CFAP99: variants seen among roughly 807,000 people sequenced by gnomAD.
CFAP99 encodes cilia and flagella associated protein 99.
Under a neutral mutation model 82.7 loss-of-function variants are expected in CFAP99, and 84 were observed. The observed-to-expected ratio is 1.02, with a 90% confidence interval of 0.85 to 1.22. CFAP99 has a LOEUF of 1.22. Among genes scored for constraint, CFAP99 ranks in the 50% most tolerant of loss-of-function variants. The pLI is 0.00. For missense variants in CFAP99, 1,059 were observed against 983.5 expected (o/e 1.08, Z -1.03); for synonymous variants, 456 against 429.5 (o/e 1.06, Z -0.76).
At chr4:2,438,096 C>T (rs1192266927) in exon 4 of CFAP99, 2 of 1,535,314 alleles carry the variant, frequency 1.3e-6, no homozygotes, top group East Asian at 2.4e-5. Flanking sequence ...CACATTCCTG[C>T]TGGAGGAACT....
intron 1 of CFAP99, among the ~76,000 whole-genome samples, chr4:2,422,333 A>C (rs1438012164): frequency 1.3e-5 from 2 of 152,110 alleles, no homozygotes; most frequent in Non-Finnish European, 2.9e-5. Context: ...AGGGCAGGAC[A>C]ATTTGAGTCA....
At chr4:2,460,539 T>C (rs566482471) in intron 14 of CFAP99, among the ~76,000 whole-genome samples, 24 of 152,350 alleles carry the variant, frequency 1.6e-4, no homozygotes, top group African/African-American at 5.1e-4. Flanking sequence ...AGCTAGCTAT[T>C]TATGTCTGCA....
At chr4:2,424,341 TA>T (rs1733642299) in intron 1 of CFAP99, among the ~76,000 whole-genome samples, 1 of 152,174 alleles carries the variant, frequency 6.6e-6, no homozygotes, top group Non-Finnish European at 1.5e-5. Context: ...TAATCCCAGC[TA>T]CTCAGGAGGC....
chr4:2,458,886 CT>C (rs1734503096), intron 12 of CFAP99, 22 bp downstream of exon 12: 1 of 1,528,830 alleles, frequency 6.5e-7, no homozygotes. Flanking sequence ...CCAGATGTCA[CT>C]GGCCCTACCC....
Position 2,462,883 on chromosome 4 carries a change from G to C in CFAP99, c.2102G>C (p.Gly701Ala). The change falls in exon 15 of 15, where the codon GGA becomes GCA. Residue 701 changes from glycine to alanine, a missense_variant. Physicochemically the swap from Gly to Ala is moderately conservative, Grantham distance 60 (BLOSUM62 0). Coordinates refer to ENST00000635017, the Ensembl canonical transcript of CFAP99. This position sits in a 1 kb window ranked among gnomAD's most constrained non-coding sequence, Gnocchi z 4.1. ...CGCAGGCTGCAGGCGCTGCAGCAGG[G>C]AGGCTCAGGACCCGGGCCCGCGCGC... 1 of 1,381,912 alleles carries C rather than the reference G, an allele frequency of 7.2e-7. No individual in the cohort carries two copies. Among genetic ancestry groups the C allele is most frequent in the Non-Finnish European group, 9.4e-7 (1 of 1,067,674 alleles). The allele number at this position is 1,381,912 out of a possible 1,614,324, so 85.6% of individuals were successfully genotyped here.
At position 2,449,652 on chromosome 4, in the gene CFAP99, C is replaced by T. The variant is rs997891091; in HGVS notation, c.643-18C>T. On this transcript the variant is annotated intron_variant, in intron 6 of 14. Coordinates refer to ENST00000635017, the Ensembl canonical transcript of CFAP99. ...CGCAGCTGCTGACCATAGGCTCTTC[C>T]TCCCACCACTTCAGCAGGTCCCCCA... 6 of 1,535,772 alleles carry T rather than the reference C, an allele frequency of 3.9e-6. No homozygotes were observed. The highest frequency in any genetic ancestry group is 4.4e-6 in the Non-Finnish European group (5 of 1,146,586).
chr4:2,438,034 C>A, intron 3 of CFAP99, 36 bp from the exon 4 acceptor site: 2 of 1,313,258 alleles, frequency 1.5e-6, no homozygotes, highest in Non-Finnish European at 2.1e-6. Flanking sequence ...TGCCCCGTGA[C>A]GTCCCTTAGC....
intron 3 of CFAP99, among the ~76,000 whole-genome samples, chr4:2,437,564 G>A (rs572648126): frequency 3.3e-5 from 5 of 152,146 alleles, no homozygotes; most frequent in African/African-American, 4.8e-5. Flanking sequence ...GGAGTGGGGC[G>A]AGCGCTGTAG....
At chr4:2,426,704 C>T in intron 2 of CFAP99, 118 bp downstream of exon 2, 2 of 696,968 alleles carry the variant, frequency 2.9e-6, no homozygotes, top group Non-Finnish European at 5.0e-6. Context: ...TGGGGAGAAG[C>T]TGACCGTGTT....
chr4:2,462,443 G>A lies in CFAP99; in HGVS notation c.1662G>A (p.Arg554=), dbSNP rs1456969736. ...CTGAGCCCGCCGCGTCGCCCGCCAG[G>A]TGGGAGGAAAAGAAGGCCCTTGCGG... The change falls in exon 15 of 15, where the codon AGG becomes AGA. Residue 554 remains arginine, a splice_region_variant and synonymous_variant. Coordinates refer to ENST00000635017, the Ensembl canonical transcript of CFAP99. The surrounding 1 kb of genome is among the most constrained non-coding windows in gnomAD (Gnocchi z 4.1). The A allele has an allele frequency of 2.8e-6, 4 of 1,449,634 alleles. No individual in the cohort carries two copies. Among genetic ancestry groups the A allele is most frequent in the Admixed American group, 5.6e-5 (2 of 35,494 alleles). 89.8% of individuals were successfully genotyped at this position (1,449,634 alleles called of 1,614,324 possible). A position where few individuals can be genotyped will look rare whatever the true frequency, so the allele number is the denominator to read the frequency against.
chr4:2,426,542 G>T, exon 2 of CFAP99: 1 of 1,536,046 alleles, frequency 6.5e-7, no homozygotes, highest in South Asian at 1.2e-5. Context: ...ACCCAAGAGG[G>T]ACAACCCTGA....
At chr4:2,445,930 G>C (rs964992767) in intron 6 of CFAP99, among the ~76,000 whole-genome samples, 2 of 152,162 alleles carry the variant, frequency 1.3e-5, no homozygotes, top group African/African-American at 4.8e-5. Context: ...AAGTCTGACT[G>C]GACCAGCTTA....
In CFAP99 at chr4:2,451,255, A is replaced by G. The variant is rs1296628012; in HGVS notation, c.868-9A>G. The G allele has an allele frequency of 1.8e-5, 27 of 1,535,886 alleles. No individual in the cohort carries two copies. Among genetic ancestry groups the G allele is most frequent in the Middle Eastern group, 1.7e-4 (1 of 6,006 alleles). ...AAGCCCCCACCACAGCCAGTCCCCA[A>G]TCCCGCAGCCTGACAACATCCTGGT... On this transcript the variant is annotated splice_polypyrimidine_tract_variant and intron_variant, in intron 9 of 14. Transcript: ENST00000635017.
intron 14 of CFAP99, among the ~76,000 whole-genome samples, chr4:2,461,660 G>A (rs1388163404): frequency 1.3e-5 from 2 of 152,162 alleles, no homozygotes; most frequent in Admixed American, 1.3e-4. Flanking sequence ...GCGGGCTCAG[G>A]CATGCACTTA....
intron 2 of CFAP99, among the ~76,000 whole-genome samples, chr4:2,434,669 C>G (rs1311630826): frequency 6.6e-6 from 1 of 152,216 alleles, no homozygotes; most frequent in Non-Finnish European, 1.5e-5. Flanking sequence ...GCAGAAGGCT[C>G]TGGGAAGCCC....
At position 2,448,070 on chromosome 4, in the gene CFAP99, C is replaced by G. The variant is rs1734213477; in HGVS notation, c.643-1600C>G. Among the ~76,000 whole-genome samples, 1 of 137,256 alleles carries G rather than the reference C, an allele frequency of 7.3e-6. No individual in the cohort carries two copies. Among genetic ancestry groups the G allele is most frequent in the East Asian group, 2.3e-4 (1 of 4,426 alleles). 90.0% of individuals were successfully genotyped at this position (137,256 alleles called of 152,430 possible). On this transcript the variant is annotated intron_variant, in intron 6 of 14. Coordinates refer to ENST00000635017, the Ensembl canonical transcript of CFAP99. The surrounding 1 kb of genome is among the most constrained non-coding windows in gnomAD (Gnocchi z 5.2). ...TCAGAGGGATGGATAGATGGATAGA[C>G]AAATGGATGGATGGGTGGGTGAGTG... is the stretch of plus-strand genomic sequence containing the variant.
At position 2,449,917 on chromosome 4, in the gene CFAP99, C is replaced by T; in HGVS notation, c.724-17C>T. On this transcript the variant is annotated splice_polypyrimidine_tract_variant and intron_variant, in intron 7 of 14. Transcript: ENST00000635017. ...GCAGAGGCTGGTGGGACTGGAGCCGCTGTGTCACTGTGGCAGGAGCTGCTG... is the reference window on the plus strand; with the variant it reads ...GCAGAGGCTGGTGGGACTGGAGCCGTTGTGTCACTGTGGCAGGAGCTGCTG... 6.5e-7 allele frequency: 1 copy of T among 1,536,186 alleles called. No homozygotes were observed. The highest frequency in any genetic ancestry group is 2.4e-5 in the East Asian group (1 of 40,908).
chr4:2,420,477 A>G, intron 1 of CFAP99, among the ~76,000 whole-genome samples: 1 of 151,986 alleles, frequency 6.6e-6, no homozygotes, highest in Non-Finnish European at 1.5e-5. Flanking sequence ...TAGACACTTG[A>G]TGGGCTTGTC....
intron 13 of CFAP99, among the ~76,000 whole-genome samples, chr4:2,459,578 G>A (rs1215984552): frequency 6.6e-6 from 1 of 152,212 alleles, no homozygotes; most frequent in East Asian, 1.9e-4. Context: ...AGTGTAGGGA[G>A]AGCGCAGGTG....
Sources: allele counts gnomAD v4.1 joint callset (sites outside exome capture counted in the v4.1 genomes callset), GRCh38; gene constraint gnomAD v4.1.1; non-coding constraint Gnocchi (gnomAD v3.1); transcripts MANE v1.5; gene names NCBI Gene and HGNC (gene_info 2026-07-23, HGNC 2026-07-21).